DCDC2: variants seen among roughly 807,000 people sequenced by gnomAD.
DCDC2 encodes the protein doublecortin domain containing 2, also known as doublecortin domain-containing protein 2.
In DCDC2, 40 loss-of-function variants were observed where a neutral mutation model predicts 50.2. The ratio of observed to expected loss-of-function variants is 0.80; its 90% CI spans 0.62 to 1.04. The LOEUF (loss-of-function observed/expected upper bound fraction) is 1.04, where lower values mean the gene tolerates loss of function less well. Ranked by LOEUF, DCDC2 falls within the 50% of genes least tolerant of loss-of-function variation. DCDC2 has a pLI of 0.00. For synonymous variants in DCDC2, 234 were observed against 210.6 expected (o/e 1.11, Z -0.96); for missense variants, 570 against 581.9 (o/e 0.98, Z 0.21).
intron 2 of DCDC2, among the ~76,000 whole-genome samples, chr6:24,331,233 C>T (rs1173712750): frequency 1.3e-5 from 2 of 152,008 alleles, no homozygotes; most frequent in Admixed American, 6.6e-5. Context: ...TGAGCCATTG[C>T]TTATACAGTG....
chr6:24,232,592 G>C (rs1397687382), intron 7 of DCDC2, among the ~76,000 whole-genome samples: 1 of 152,124 alleles, frequency 6.6e-6, no homozygotes, highest in Non-Finnish European at 1.5e-5. Flanking sequence ...ATTTGCCCAA[G>C]GCATGACTAG....
At chr6:24,383,194 C>G in the DCDC2 span, among the ~76,000 whole-genome samples, 2 of 152,042 alleles carry the variant, frequency 1.3e-5, no homozygotes, top group East Asian at 3.9e-4. Context: ...GGCGTGGTGG[C>G]GCATGCCTGT....
At chr6:24,298,334 A>C (rs11965389) in intron 4 of DCDC2, among the ~76,000 whole-genome samples, 5,642 of 152,194 alleles carry the variant, frequency 0.037, 315 homozygotes, top group African/African-American at 0.13. Flanking sequence ...GGGTTGGGGA[A>C]CCCTGGAGAG....
chr6:24,286,386 A>T (rs1763609976), intron 6 of DCDC2, among the ~76,000 whole-genome samples: 1 of 152,140 alleles, frequency 6.6e-6, no homozygotes, highest in Non-Finnish European at 1.5e-5. Context: ...GGAGCCCAGG[A>T]CTTTGAGAAC....
At chr6:24,359,452 TA>T (rs367717210), upstream of DCDC2, among the ~76,000 whole-genome samples, 4 of 60,846 alleles carry the variant, frequency 6.6e-5, 1 homozygote, top group South Asian at 5.6e-4. Context: ...ATAGTATATA[TA>T]TTTATATATA....
At chr6:24,286,897 A>C (rs1480088488) in intron 6 of DCDC2, among the ~76,000 whole-genome samples, 1 of 152,162 alleles carries the variant, frequency 6.6e-6, no homozygotes, top group African/African-American at 2.4e-5. Context: ...TTTCTTCCAG[A>C]ATAATCATCA....
chr6:24,173,759 A>C lies in DCDC2; in HGVS notation c.*971T>G, dbSNP rs1004447084. Reference sequence around the variant, plus strand: ...CCCTAGGGCAAAAACATAGTAAAACAGTCTTAATAGAAATAAGGCAAAAAA... The same window carrying C: ...CCCTAGGGCAAAAACATAGTAAAACCGTCTTAATAGAAATAAGGCAAAAAA... On this transcript the variant is annotated 3_prime_UTR_variant, in exon 10 of 10. Transcript: ENST00000378454. 1 of 152,252 alleles carries C rather than the reference A, an allele frequency of 6.6e-6. No individual in the cohort carries two copies. The highest frequency in any genetic ancestry group is 6.5e-5 in the Admixed American group (1 of 15,288). The allele number at this position is 152,252 out of a possible 1,614,324, so 9.4% of individuals were successfully genotyped here. A position where few individuals can be genotyped will look rare whatever the true frequency, so the allele number is the denominator to read the frequency against.
At chr6:24,223,528 G>A (rs1762161511) in intron 7 of DCDC2, among the ~76,000 whole-genome samples, 1 of 152,168 alleles carries the variant, frequency 6.6e-6, no homozygotes. Flanking sequence ...ACTTTGGAAA[G>A]GCCTTTGAAT....
intron 2 of DCDC2, among the ~76,000 whole-genome samples, chr6:24,336,906 CTAATCCTCACAATAATTTT>C (rs1474691330): frequency 2.6e-5 from 4 of 152,080 alleles, no homozygotes; most frequent in African/African-American, 4.8e-5. Context: ...CTATATGTTT[CTAATCCTCACAATAATTTT>C]TAAAAGATAG....
chr6:24,370,781 CAT>C, the DCDC2 span, among the ~76,000 whole-genome samples: 1 of 152,078 alleles, frequency 6.6e-6, no homozygotes, highest in East Asian at 1.9e-4. Context: ...AACATGTTGA[CAT>C]ATGTTATACA....
intron 8 of DCDC2, among the ~76,000 whole-genome samples, chr6:24,193,502 G>C (rs1453628334): frequency 6.6e-6 from 1 of 152,138 alleles, no homozygotes; most frequent in Non-Finnish European, 1.5e-5. Flanking sequence ...AGGACAGTAA[G>C]TTCTTGCAGA....
chr6:24,207,256 T>TTC (rs60603298), intron 7 of DCDC2, among the ~76,000 whole-genome samples: 10,839 of 129,562 alleles, frequency 0.084, 644 homozygotes, highest in African/African-American at 0.18. Context: ...CCATCTATCT[T>TTC]TCTCTCTCTC....
At chr6:24,221,796 G>A (rs1037951660) in intron 7 of DCDC2, among the ~76,000 whole-genome samples, 1 of 152,212 alleles carries the variant, frequency 6.6e-6, no homozygotes, top group Non-Finnish European at 1.5e-5. Context: ...GTTTGAGCCA[G>A]GGGTAAGGCC....
intron 7 of DCDC2, among the ~76,000 whole-genome samples, chr6:24,257,671 G>C (rs569917293): frequency 4.6e-5 from 7 of 151,270 alleles, no homozygotes; most frequent in Non-Finnish European, 1.0e-4. Flanking sequence ...ATGTAGGGAG[G>C]CTTGTGGAAG....
intron 2 of DCDC2, among the ~76,000 whole-genome samples, chr6:24,320,985 A>G (rs9356933): frequency 0.8 from 121,108 of 150,938 alleles, 48,902 homozygotes; most frequent in Non-Finnish European, 0.84. Context: ...CAGCAGGGCC[A>G]TACTGGAAAG....
the DCDC2 span, among the ~76,000 whole-genome samples, chr6:24,368,664 A>G: frequency 7.2e-6 from 1 of 138,876 alleles, no homozygotes; most frequent in South Asian, 2.5e-4. Flanking sequence ...ATTAAAGGAA[A>G]TTTTAAGAAC....
At chr6:24,352,339 C>T (rs1440381487) in intron 2 of DCDC2, among the ~76,000 whole-genome samples, 1 of 152,080 alleles carries the variant, frequency 6.6e-6, no homozygotes, top group Non-Finnish European at 1.5e-5. Context: ...AGAATCACAT[C>T]CAGAACAAAT....
chr6:24,292,763 C>A (rs1266914674), intron 4 of DCDC2, among the ~76,000 whole-genome samples: 1 of 152,174 alleles, frequency 6.6e-6, no homozygotes, highest in East Asian at 1.9e-4. Context: ...CCAGATAATT[C>A]TTTGCTGGAA....
intron 7 of DCDC2, among the ~76,000 whole-genome samples, chr6:24,264,850 C>A (rs1255299186): frequency 2.0e-5 from 3 of 150,518 alleles, no homozygotes; most frequent in Non-Finnish European, 4.4e-5. Context: ...AAAAAAGAGA[C>A]CTGACAATCT....
Sources: gnomAD v4.1 joint callset for allele counts (sites outside exome capture counted in the v4.1 genomes callset) on GRCh38, gnomAD v4.1.1 for gene constraint, MANE v1.5 for transcripts, NCBI Gene and HGNC (gene_info 2026-07-23, HGNC 2026-07-21) for gene names.